The following FAM227B variants were observed in gnomAD, a reference collection of about 807,000 sequenced individuals.
FAM227B encodes the protein protein FAM227B.
FAM227B carries 88 observed loss-of-function variants against 73.8 expected under a neutral mutation model. That is an observed-to-expected ratio of 1.19 (90% CI 1.00 to 1.42). The LOEUF (loss-of-function observed/expected upper bound fraction) is 1.42, where lower values mean the gene tolerates loss of function less well. Among genes scored for constraint, FAM227B ranks in the 40% most tolerant of loss-of-function variants. FAM227B has a pLI of 0.00. For synonymous variants in FAM227B, 210 were observed against 190.5 expected, an observed-to-expected ratio of 1.10 and a Z score of -0.84; for missense variants, 632 against 590.9, an observed-to-expected ratio of 1.07 and a Z score of -0.72.
intron 9 of FAM227B, among the ~76,000 whole-genome samples, chr15:49,566,455 T>C (rs970148456): frequency 6.6e-6 from 1 of 152,216 alleles, no homozygotes; most frequent in Non-Finnish European, 1.5e-5. Flanking sequence ...AGAATATCAT[T>C]GTGTGATGCT....
chr15:49,558,232 C>G (rs1454418115), intron 9 of FAM227B, among the ~76,000 whole-genome samples: 1 of 152,192 alleles, frequency 6.6e-6, no homozygotes, highest in Non-Finnish European at 1.5e-5. Context: ...CCTTGCAAGG[C>G]AGGGCTTGCC....
intron 11 of FAM227B, among the ~76,000 whole-genome samples, chr15:49,442,573 T>C (rs1464479449): frequency 6.6e-6 from 1 of 151,786 alleles, no homozygotes; most frequent in Non-Finnish European, 1.5e-5. Flanking sequence ...CTCTCTCCCC[T>C]TTCCTTATCC....
At chr15:49,447,454 G>C (rs1032711126) in intron 11 of FAM227B, among the ~76,000 whole-genome samples, 17 of 151,612 alleles carry the variant, frequency 1.1e-4, no homozygotes, top group African/African-American at 3.6e-4. Flanking sequence ...CATTACAAGA[G>C]TCAAATATGG....
intron 11 of FAM227B, among the ~76,000 whole-genome samples, chr15:49,474,187 T>C (rs2055037051): frequency 6.6e-6 from 1 of 152,204 alleles, no homozygotes; most frequent in African/African-American, 2.4e-5. Flanking sequence ...TATTCTGTCT[T>C]AGGCTATCTA....
At chr15:49,617,692 T>TA (rs1312484654) in intron 1 of FAM227B, among the ~76,000 whole-genome samples, 3 of 152,076 alleles carry the variant, frequency 2.0e-5, no homozygotes, top group African/African-American at 2.4e-5. Context: ...CAAAGTGGCT[T>TA]AAAAAATCAC....
At chr15:49,399,728 A>C (rs1370828195) in intron 11 of FAM227B, among the ~76,000 whole-genome samples, 1 of 132,790 alleles carries the variant, frequency 7.5e-6, no homozygotes, top group East Asian at 2.2e-4. Flanking sequence ...CCAGCATATA[A>C]ACAGAGCCAA....
intron 11 of FAM227B, among the ~76,000 whole-genome samples, chr15:49,462,166 G>T (rs1413744781): frequency 6.6e-6 from 1 of 152,136 alleles, no homozygotes; most frequent in African/African-American, 2.4e-5. Context: ...GGTGAAAGGA[G>T]AAATGTGTGA....
intron 11 of FAM227B, chr15:49,424,382 T>C (rs1017443702): frequency 1.2e-6 from 2 of 1,613,690 alleles, no homozygotes; most frequent in African/African-American, 1.3e-5. Flanking sequence ...GGGTACTATA[T>C]CTTTAGCTTG....
chr15:49,571,698 C>A (rs556964976), intron 8 of FAM227B, among the ~76,000 whole-genome samples: 1 of 151,826 alleles, frequency 6.6e-6, no homozygotes, highest in African/African-American at 2.4e-5. Flanking sequence ...CTGTTCTATG[C>A]GTATATGTGT....
chr15:49,499,184 A>G (rs1220211022), intron 11 of FAM227B, among the ~76,000 whole-genome samples: 2 of 150,396 alleles, frequency 1.3e-5, no homozygotes, highest in East Asian at 2.0e-4. Context: ...AAAAAAAAAA[A>G]AAAAAAGAAG....
rs374795229 is a variant in FAM227B at position 49,528,215 on chromosome 15, T to A, written c.874+13465A>T. On this transcript the variant is annotated intron_variant, in intron 10 of 15. Coordinates refer to ENST00000299338, the MANE Select transcript of FAM227B (RefSeq NM_152647.3). ...AACCCACATATCTGCAACCAATTGATCTTTGACTAAGTCAACAAAAGTAAA... is the reference window on the plus strand; with the variant it reads ...AACCCACATATCTGCAACCAATTGAACTTTGACTAAGTCAACAAAAGTAAA... 4.6e-5 allele frequency among the ~76,000 whole-genome samples: 7 copies of A among 151,896 alleles called. No homozygotes were observed. In the East Asian group the frequency reaches 1.3e-3, roughly 29 times the overall value.
At chr15:49,607,729 A>G (rs570827543) in intron 3 of FAM227B, among the ~76,000 whole-genome samples, 1 of 152,298 alleles carries the variant, frequency 6.6e-6, no homozygotes, top group African/African-American at 2.4e-5. Flanking sequence ...AAGGTAATCA[A>G]GGGATAGACT....
At chr15:49,463,185 C>T (rs2053956018) in intron 11 of FAM227B, among the ~76,000 whole-genome samples, 1 of 152,168 alleles carries the variant, frequency 6.6e-6, no homozygotes, top group Non-Finnish European at 1.5e-5. Flanking sequence ...TTGCCTCTTG[C>T]CAATTTATCT....
intron 12 of FAM227B, among the ~76,000 whole-genome samples, chr15:49,370,474 A>G (rs573819537): frequency 5.9e-5 from 9 of 152,348 alleles, no homozygotes; most frequent in Admixed American, 5.9e-4. Context: ...TCTATACATC[A>G]CCAGTTAATA....
Position 49,331,535 on chromosome 15 carries a change from C to CT in FAM227B, c.1419+244dup, listed in dbSNP as rs1301352930. On this transcript the variant is annotated intron_variant, in intron 15 of 15. Transcript: ENST00000299338. ...TTTGTAATTCTAACTGCATTTGGAG[C>CT]TTTTCAGTTACATAAACTGTTCCTG... 2.1e-5 allele frequency: 9 copies of CT among 421,740 alleles called. No individual in the cohort carries two copies. In the East Asian group the frequency reaches 2.7e-4, roughly 13 times the overall value. The allele number at this position is 421,740 out of a possible 1,614,324, so 26.1% of individuals were successfully genotyped here.
chr15:49,541,638 G>A lies in FAM227B; in HGVS notation c.874+42C>T, dbSNP rs773788207. On this transcript the variant is annotated intron_variant, in intron 10 of 15. Coordinates refer to ENST00000299338, the MANE Select transcript of FAM227B (RefSeq NM_152647.3). ...AAAATACTGCAACCCCAAAATTTTA[G>A]AAACCAAAACAATGATTAATATTTA... 8 of 1,345,672 alleles carry A rather than the reference G, an allele frequency of 5.9e-6. No homozygotes were observed. The East Asian group carries it at 8.3e-5, about 14-fold the overall frequency. The allele number at this position is 1,345,672 out of a possible 1,614,324, so 83.4% of individuals were successfully genotyped here. A position where few individuals can be genotyped will look rare whatever the true frequency, so the allele number is the denominator to read the frequency against.
chr15:49,596,334 G>A (rs1307595166), intron 3 of FAM227B, among the ~76,000 whole-genome samples: 1 of 151,904 alleles, frequency 6.6e-6, no homozygotes, highest in African/African-American at 2.4e-5. Flanking sequence ...ATTATTATCA[G>A]TTAAGAATTT....
chr15:49,328,925 C>T lies in FAM227B; in HGVS notation c.1420-250G>A, dbSNP rs375999919. ...TTAATAGAAAAACTTAGATAAAAAA[C>T]ACTTTAAGACTCTTCTATTCACATT... On this transcript the variant is annotated intron_variant, in intron 15 of 15. Transcript: ENST00000299338. 34 of 1,199,922 alleles carry T rather than the reference C, an allele frequency of 2.8e-5. No individual in the cohort carries two copies. In the East Asian group the frequency reaches 7.8e-4, roughly 27 times the overall value. 74.3% of individuals were successfully genotyped at this position (1,199,922 alleles called of 1,614,324 possible). A position where few individuals can be genotyped will look rare whatever the true frequency, so the allele number is the denominator to read the frequency against.
intron 5 of FAM227B, among the ~76,000 whole-genome samples, chr15:49,584,500 G>A (rs910362562): frequency 3.3e-5 from 5 of 152,098 alleles, no homozygotes; most frequent in Non-Finnish European, 7.3e-5. Context: ...ACATAGTATT[G>A]GAAGCCCTAG....
Sources: allele counts gnomAD v4.1 joint callset (sites outside exome capture counted in the v4.1 genomes callset), GRCh38; gene constraint gnomAD v4.1.1; transcripts MANE v1.5; gene names NCBI Gene and HGNC (gene_info 2026-07-23, HGNC 2026-07-21).